FRMPD4: variants seen among roughly 807,000 people sequenced by gnomAD.
FRMPD4 encodes the protein FERM and PDZ domain containing 4.
FRMPD4 carries 22 observed loss-of-function variants against 94.1 expected under a neutral mutation model. That is an observed-to-expected ratio of 0.23 (90% CI 0.17 to 0.33). The LOEUF (loss-of-function observed/expected upper bound fraction) is 0.33, where lower values mean the gene tolerates loss of function less well. Ranked by LOEUF, FRMPD4 falls within the 10% of genes least tolerant of loss-of-function variation. The probability of loss-of-function intolerance (pLI) is 1.00; values close to 1 mark genes in which losing one functional copy is unlikely to be tolerated. For missense variants in FRMPD4, 1,111 were observed against 1,339.9 expected, an observed-to-expected ratio of 0.83 and a Z score of 2.67; for synonymous variants, 631 against 548.6, an observed-to-expected ratio of 1.15 and a Z score of -2.10.
At chrX:12,172,150 C>T (rs766962944) in intron 1 of FRMPD4, among the ~76,000 whole-genome samples, 2 of 110,637 alleles carry the variant, frequency 1.8e-5, no homozygotes, top group Admixed American at 9.6e-5. Context: ...GTCTATCAAG[C>T]TTGTCCAACC....
chrX:12,672,766 A>G (rs918593930), intron 4 of FRMPD4, among the ~76,000 whole-genome samples: 5 of 111,903 alleles, frequency 4.5e-5, no homozygotes, highest in African/African-American at 1.6e-4. Flanking sequence ...GGTTTGGATT[A>G]GGAGTCCTAA....
chrX:11,985,205 G>A (rs1205276180), intron 3 of FRMPD4, among the ~76,000 whole-genome samples: 2 of 111,916 alleles, frequency 1.8e-5, no homozygotes, highest in Non-Finnish European at 3.8e-5. Flanking sequence ...TTGGATACCA[G>A]CTCAGCCATA....
At chrX:12,143,573 T>C (rs1416676153) in intron 1 of FRMPD4, among the ~76,000 whole-genome samples, 1 of 111,792 alleles carries the variant, frequency 8.9e-6, no homozygotes, top group African/African-American at 3.3e-5. Flanking sequence ...TTTTCCTGTT[T>C]TCTCTTCTTT....
rs191906144 is a variant in FRMPD4, at chrX:12,661,150, C to T, written c.423-13713C>T. Among the ~76,000 whole-genome samples, 274 of 111,931 alleles carry T rather than the reference C, an allele frequency of 2.4e-3. 2 individuals carry two copies. Among genetic ancestry groups the T allele is most frequent in the African/African-American group, 8.5e-3 (261 of 30,774 alleles). ...ACAATATTCTGTTAAAAGTGAGTCA[C>T]AAGATTAGTCCAGATTCAAGGGGAG... is the stretch of plus-strand genomic sequence containing the variant. On this transcript the variant is annotated intron_variant, in intron 4 of 16. Coordinates refer to ENST00000675598, the MANE Select transcript of FRMPD4 (RefSeq NM_001368397.1).
At chrX:12,533,937 A>G (rs1157445899) in intron 2 of FRMPD4, among the ~76,000 whole-genome samples, 3 of 112,925 alleles carry the variant, frequency 2.7e-5, no homozygotes, top group Non-Finnish European at 5.6e-5. Flanking sequence ...CAAGGAGCTG[A>G]ATGTTAATCC....
At chrX:12,053,404 AAGAAAGAAAGAAAGAAAGAAAGAAAG>A (rs2054833529) in intron 3 of FRMPD4, among the ~76,000 whole-genome samples, 4 of 102,715 alleles carry the variant, frequency 3.9e-5, no homozygotes, top group Admixed American at 1.1e-4. Context: ...GAAAGAAAGA[AAGAAAGAAAGAAAGAAAGAAAGAAAG>A]AGAAAGAAAG....
At chrX:11,961,167 C>T (rs1465008409) in intron 3 of FRMPD4, among the ~76,000 whole-genome samples, 1 of 111,933 alleles carries the variant, frequency 8.9e-6, no homozygotes, top group Non-Finnish European at 1.9e-5. Flanking sequence ...CTATGAAACC[C>T]TGAAGCTGGG....
chrX:12,619,552 C>T (rs2059268207), intron 4 of FRMPD4, among the ~76,000 whole-genome samples: 1 of 111,733 alleles, frequency 8.9e-6, no homozygotes, highest in African/African-American at 3.3e-5. Flanking sequence ...TGGTGGCAGA[C>T]TCACTGACTA....
intron 4 of FRMPD4, among the ~76,000 whole-genome samples, chrX:12,634,904 GC>G (rs2059429458): frequency 1.0e-5 from 1 of 96,566 alleles, no homozygotes. Flanking sequence ...CACAATCTCG[GC>G]TCACTGCAAC....
intron 3 of FRMPD4, among the ~76,000 whole-genome samples, chrX:12,049,628 T>A (rs1361921324): frequency 1.8e-5 from 2 of 111,595 alleles, no homozygotes; most frequent in Non-Finnish European, 3.8e-5. Flanking sequence ...TACTATTATT[T>A]TAGAATGTAT....
chrX:12,407,284 C>A (rs1267775407), intron 1 of FRMPD4, among the ~76,000 whole-genome samples: 1 of 111,954 alleles, frequency 8.9e-6, no homozygotes, highest in Admixed American at 9.5e-5. Flanking sequence ...AGCTTGAAAG[C>A]GACCAAATAT....
rs777964330 is a variant in FRMPD4, at chrX:11,874,182, G to T, written c.-29-3713G>T. Among the ~76,000 whole-genome samples the T allele has an allele frequency of 3.6e-5, 4 of 112,189 alleles. No homozygotes were observed. In the East Asian group the frequency reaches 8.4e-4, roughly 24 times the overall value. Reference sequence around the variant, plus strand: ...ATTTTATTTTTTGAGACAGGGTCTCGCTCTGTTACTCAGGCTGGAGTGCAG... The same window carrying T: ...ATTTTATTTTTTGAGACAGGGTCTCTCTCTGTTACTCAGGCTGGAGTGCAG... On this transcript the variant is annotated intron_variant, in intron 2 of 18. Coordinates refer to the FRMPD4 transcript ENST00000640291.
Position 12,351,383 on chromosome X carries a change from G to A in FRMPD4, c.42-147297G>A, listed in dbSNP as rs1468727219. Among the ~76,000 whole-genome samples the A allele has an allele frequency of 2.7e-5, 3 of 110,605 alleles. 1 individual carries two copies. The highest frequency in any genetic ancestry group is 5.7e-5 in the Non-Finnish European group (3 of 52,952). ...TTCTTTAGGCTTGAATTTCTCAGCAGCCTATAGATAAACAGTTCGCAGTCT... is the reference window on the plus strand; with the variant it reads ...TTCTTTAGGCTTGAATTTCTCAGCAACCTATAGATAAACAGTTCGCAGTCT... On this transcript the variant is annotated intron_variant, in intron 1 of 16. Coordinates refer to ENST00000675598, the MANE Select transcript of FRMPD4 (RefSeq NM_001368397.1).
intron 3 of FRMPD4, among the ~76,000 whole-genome samples, chrX:12,059,101 G>C (rs192424142): frequency 1.8e-5 from 2 of 111,606 alleles, no homozygotes; most frequent in Non-Finnish European, 3.8e-5. Context: ...ACCTGACTTA[G>C]TGTACAGACA....
intron 1 of FRMPD4, among the ~76,000 whole-genome samples, chrX:12,342,787 G>A (rs1411640486): frequency 8.9e-6 from 1 of 112,209 alleles, no homozygotes; most frequent in African/African-American, 3.2e-5. Flanking sequence ...GGATCTTGAT[G>A]TCTCACTAGC....
At chrX:12,684,531 T>C (rs902191667) in intron 6 of FRMPD4, among the ~76,000 whole-genome samples, 2 of 111,473 alleles carry the variant, frequency 1.8e-5, no homozygotes, top group Non-Finnish European at 3.8e-5. Flanking sequence ...ATTGTGATGC[T>C]TGTGGGGAAG....
chrX:11,987,603 C>T (rs5935216), intron 3 of FRMPD4, among the ~76,000 whole-genome samples: 9,806 of 110,339 alleles, frequency 0.089, 364 homozygotes, highest in East Asian at 0.24. Context: ...ATAAATGGTA[C>T]CCGAATTGGA....
chrX:12,097,724 T>C (rs1487822545), intron 3 of FRMPD4, among the ~76,000 whole-genome samples: 1 of 112,685 alleles, frequency 8.9e-6, no homozygotes, highest in Non-Finnish European at 1.9e-5. Flanking sequence ...ATTTTCAAGG[T>C]TTATCCATGC....
chrX:12,460,692 T>A (rs2057382040), intron 1 of FRMPD4, among the ~76,000 whole-genome samples: 1 of 112,040 alleles, frequency 8.9e-6, no homozygotes, highest in Non-Finnish European at 1.9e-5. Context: ...CAAAATCGAT[T>A]TTGTATACAA....
Sources: allele counts gnomAD v4.1 joint callset (sites outside exome capture counted in the v4.1 genomes callset), GRCh38; gene constraint gnomAD v4.1.1; transcripts MANE v1.5; gene names NCBI Gene and HGNC (gene_info 2026-07-23, HGNC 2026-07-21).